The following MGLL variants were observed in gnomAD, a reference collection of about 807,000 sequenced individuals.
MGLL encodes the protein lysophospholipase homolog.
Under a neutral mutation model 29.1 loss-of-function variants are expected in MGLL, and 7 were observed. The observed-to-expected ratio is 0.24, with a 90% CI of 0.14 to 0.45. The LOEUF (loss-of-function observed/expected upper bound fraction) is 0.45, where lower values mean the gene tolerates loss of function less well. MGLL is among the 20% of genes least tolerant of loss of function. The pLI, the probability that MGLL is intolerant of heterozygous loss-of-function variation, is 0.99. For missense variants in MGLL, 356 were observed against 413.6 expected, an observed-to-expected ratio of 0.86 and a Z score of 1.21; for synonymous variants, 148 against 168.3, an observed-to-expected ratio of 0.88 and a Z score of 0.93.
At chr3:127,754,084 C>T (rs910294267) in intron 3 of MGLL, among the ~76,000 whole-genome samples, 2 of 152,230 alleles carry the variant, frequency 1.3e-5, no homozygotes, top group East Asian at 3.9e-4. Context: ...TGGTGGCCCG[C>T]TGGGGCCTGA....
At chr3:127,750,680 T>C (rs2076542060) in intron 3 of MGLL, among the ~76,000 whole-genome samples, 1 of 152,080 alleles carries the variant, frequency 6.6e-6, no homozygotes, top group Admixed American at 6.5e-5. Context: ...AAATGGGTAC[T>C]GTTTTTCTCT....
At position 127,691,855 on chromosome 3, in the gene MGLL, C is replaced by A; in HGVS notation, c.*343G>T. The A allele has an allele frequency of 3.0e-6, 1 of 334,508 alleles. No homozygotes were observed. The highest frequency in any genetic ancestry group is 4.8e-5 in the Admixed American group (1 of 20,728). The allele number at this position is 334,508 out of a possible 1,614,324, so 20.7% of individuals were successfully genotyped here. ...CCTCCAGTTATTGCAGTCTGGTGTC[C>A]TGGGAACACCAGGAATTCCTGGAAC... On this transcript the variant is annotated 3_prime_UTR_variant, in exon 8 of 8. Transcript: ENST00000265052.
Position 127,692,094 on chromosome 3 carries a change from A to ATTTTTCTTT in MGLL, c.*103_*104insAAAGAAAAA. 1.4e-6 allele frequency: 1 copy of ATTTTTCTTT among 706,646 alleles called. No individual in the cohort carries two copies. The highest frequency in any genetic ancestry group is 1.6e-5 in the South Asian group (1 of 60,842). The allele number at this position is 706,646 out of a possible 1,614,324, so 43.8% of individuals were successfully genotyped here. ...GTGCTAAGGATTTCTCCAATTTCTGATTTTTTTTTTTTTTTTTTTTTGGCA... is the reference window on the plus strand; with the variant it reads ...GTGCTAAGGATTTCTCCAATTTCTGATTTTTCTTTTTTTTTTTTTTTTTTTTTTTTGGCA... On this transcript the variant is annotated 3_prime_UTR_variant, in exon 8 of 8. Transcript: ENST00000265052.
intron 2 of MGLL, among the ~76,000 whole-genome samples, chr3:127,811,213 C>A (rs572565168): frequency 5.1e-5 from 7 of 136,356 alleles, no homozygotes; most frequent in African/African-American, 1.1e-4. Context: ...ATATGAGGAA[C>A]TTGAATCATC....
intron 2 of MGLL, among the ~76,000 whole-genome samples, 165 bp from the exon 3 acceptor site, chr3:127,782,060 A>C (rs974429798): frequency 1.3e-5 from 2 of 152,062 alleles, no homozygotes; most frequent in African/African-American, 4.8e-5. Flanking sequence ...ACCTCTACTG[A>C]AATACAAAAA....
intron 7 of MGLL, among the ~76,000 whole-genome samples, chr3:127,694,396 T>A (rs1372259824): frequency 6.7e-6 from 1 of 149,744 alleles, no homozygotes; most frequent in Non-Finnish European, 1.5e-5. Context: ...TGTATATATA[T>A]GTATGTGTGT....
intron 3 of MGLL, among the ~76,000 whole-genome samples, chr3:127,752,703 G>A (rs2076581708): frequency 6.6e-6 from 1 of 152,074 alleles, no homozygotes; most frequent in African/African-American, 2.4e-5. Context: ...GAAAACGGTG[G>A]CAGATGGAAC....
intron 5 of MGLL, chr3:127,710,991 GT>G: frequency 2.5e-6 from 1 of 396,344 alleles, no homozygotes; most frequent in South Asian, 2.1e-5. Context: ...ACTGGCAAGA[GT>G]TGCCTGGGAT....
chr3:127,734,134 C>T (rs906010694), intron 3 of MGLL, among the ~76,000 whole-genome samples: 8 of 152,234 alleles, frequency 5.3e-5, no homozygotes, highest in Admixed American at 5.2e-4. Flanking sequence ...CCTGTGGGAT[C>T]CATGGCTGCC....
At chr3:127,773,409 T>C (rs563427508) in intron 3 of MGLL, among the ~76,000 whole-genome samples, 5 of 152,220 alleles carry the variant, frequency 3.3e-5, no homozygotes, top group Non-Finnish European at 7.3e-5. Flanking sequence ...GGCAGCGCTG[T>C]GAGGACAAGT....
intron 3 of MGLL, among the ~76,000 whole-genome samples, chr3:127,752,477 C>G (rs909404634): frequency 6.6e-6 from 1 of 152,082 alleles, no homozygotes; most frequent in Admixed American, 6.6e-5. Flanking sequence ...GTCTTGGAGG[C>G]CTTTCCATAG....
chr3:127,700,149 T>C (rs2075450751), intron 6 of MGLL, among the ~76,000 whole-genome samples: 3 of 152,220 alleles, frequency 2.0e-5, no homozygotes, highest in African/African-American at 7.2e-5. Context: ...TTCTCTGGCA[T>C]AATAGAGAAA....
At chr3:127,809,158 A>T (rs529146029) in intron 2 of MGLL, among the ~76,000 whole-genome samples, 17 of 152,142 alleles carry the variant, frequency 1.1e-4, no homozygotes, top group African/African-American at 4.1e-4. Flanking sequence ...AGTGAGGGGA[A>T]TTGGGGCAGA....
intron 3 of MGLL, among the ~76,000 whole-genome samples, chr3:127,742,971 T>C (rs2076372387): frequency 6.6e-6 from 1 of 152,188 alleles, no homozygotes; most frequent in African/African-American, 2.4e-5. Context: ...CCCACCACCA[T>C]GCCCGTGTAA....
chr3:127,800,045 C>T (rs1220309600), intron 2 of MGLL, among the ~76,000 whole-genome samples: 5 of 152,316 alleles, frequency 3.3e-5, no homozygotes, highest in Middle Eastern at 3.4e-3. Flanking sequence ...ATAGAAGTGA[C>T]GTATGCAATT....
At chr3:127,692,374 C>A in intron 7 of MGLL, 51 bp from the exon 8 acceptor site, 6 of 1,611,308 alleles carry the variant, frequency 3.7e-6, no homozygotes, top group Non-Finnish European at 5.1e-6. Flanking sequence ...GAGGCAGGTG[C>A]AGGGAGCGGA....
At position 127,691,433 on chromosome 3, in the gene MGLL, T is replaced by A. The variant is rs2075240385; in HGVS notation, c.*765A>T. 1 of 152,150 alleles carries A rather than the reference T, an allele frequency of 6.6e-6. No homozygotes were observed. Among genetic ancestry groups the A allele is most frequent in the African/African-American group, 2.4e-5 (1 of 41,404 alleles). 9.4% of individuals were successfully genotyped at this position (152,150 alleles called of 1,614,324 possible). A position where few individuals can be genotyped will look rare whatever the true frequency, so the allele number is the denominator to read the frequency against. ...AATATGATTCTCTCATAGCATCAGGTAAAATTAGTGACTCTAGAGGAAAGG... is the reference window on the plus strand; with the variant it reads ...AATATGATTCTCTCATAGCATCAGGAAAAATTAGTGACTCTAGAGGAAAGG... On this transcript the variant is annotated 3_prime_UTR_variant, in exon 8 of 8. Transcript: ENST00000265052.
chr3:127,724,308 G>GC (rs1183725290), intron 3 of MGLL, among the ~76,000 whole-genome samples: 3 of 152,102 alleles, frequency 2.0e-5, no homozygotes, highest in African/African-American at 4.8e-5. Context: ...GTGGAATCAG[G>GC]CCATATTTGT....
chr3:127,736,186 T>C (rs894271867), intron 3 of MGLL: 1 of 960,862 alleles, frequency 1.0e-6, no homozygotes, highest in East Asian at 8.9e-5. Flanking sequence ...GCTGAAATTA[T>C]TGTTAAGTAT....
Sources: gnomAD v4.1 joint callset for allele counts (sites outside exome capture counted in the v4.1 genomes callset) on GRCh38, gnomAD v4.1.1 for gene constraint, MANE v1.5 for transcripts, NCBI Gene and HGNC (gene_info 2026-07-23, HGNC 2026-07-21) for gene names.